KIAA1217: variants seen among roughly 807,000 people sequenced by gnomAD.
KIAA1217 encodes the protein sickle tail protein homolog.
KIAA1217 carries 88 observed loss-of-function variants against 163.9 expected under a neutral mutation model. That is an observed-to-expected ratio of 0.54 (90% CI 0.45 to 0.64). KIAA1217 has a LOEUF of 0.64. Among genes scored for constraint, KIAA1217 ranks in the 30% least tolerant of loss-of-function variants. The pLI, the probability that KIAA1217 is intolerant of heterozygous loss-of-function variation, is 0.00. For missense variants in KIAA1217, 2,372 were observed against 2,475.0 expected (o/e 0.96, Z 0.88); for synonymous variants, 903 against 923.1 (o/e 0.98, Z 0.39).
At chr10:24,346,528 A>T (rs926678766) in intron 2 of KIAA1217, among the ~76,000 whole-genome samples, 32 of 150,040 alleles carry the variant, frequency 2.1e-4, no homozygotes, top group African/African-American at 7.4e-4. Context: ...TTATTCATTC[A>T]TCTGTCAAAG....
At chr10:24,257,812 G>A (rs12782581) in intron 2 of KIAA1217, among the ~76,000 whole-genome samples, 41,339 of 151,902 alleles carry the variant, frequency 0.27, 6,324 homozygotes, top group Non-Finnish European at 0.35. Context: ...CAGTGACAAG[G>A]CGGGATAACG....
At chr10:23,810,171 A>C (rs1174095336) in intron 1 of KIAA1217, among the ~76,000 whole-genome samples, 2 of 151,556 alleles carry the variant, frequency 1.3e-5, no homozygotes, top group African/African-American at 4.8e-5. Flanking sequence ...TAGGTTTATC[A>C]ATGTAACTCC....
chr10:24,521,754 C>T, intron 11 of KIAA1217, 28 bp from the exon 12 acceptor site: 8 of 1,602,544 alleles, frequency 5.0e-6, no homozygotes, highest in Non-Finnish European at 6.8e-6. Flanking sequence ...TTTTCTCCTC[C>T]AATTCACCTG....
intron 1 of KIAA1217, among the ~76,000 whole-genome samples, chr10:23,940,166 A>G (rs961017146): frequency 6.6e-6 from 1 of 152,134 alleles, no homozygotes; most frequent in Non-Finnish European, 1.5e-5. Flanking sequence ...ATAATTAGAA[A>G]TTTCAGCAGT....
intron 1 of KIAA1217, among the ~76,000 whole-genome samples, chr10:23,779,161 G>T (rs1381916506): frequency 2.0e-5 from 3 of 152,054 alleles, no homozygotes; most frequent in African/African-American, 7.2e-5. Flanking sequence ...TTTTCCCTTG[G>T]TCAGAGCTGA....
intron 5 of KIAA1217, among the ~76,000 whole-genome samples, chr10:24,471,801 T>C (rs2063541930): frequency 6.7e-6 from 1 of 149,570 alleles, no homozygotes; most frequent in Non-Finnish European, 1.5e-5. Context: ...GAGAATCACT[T>C]GAACCCAGGA....
At chr10:24,524,302 G>A (rs376982970) in intron 12 of KIAA1217, 21 bp from the exon 13 acceptor site, 40 of 1,593,906 alleles carry the variant, frequency 2.5e-5, no homozygotes, top group East Asian at 1.6e-4. Flanking sequence ...GGTTAATGCC[G>A]CTGTGCATGG....
At chr10:24,527,350 A>G (rs1003963744) in intron 13 of KIAA1217, among the ~76,000 whole-genome samples, 1 of 143,908 alleles carries the variant, frequency 6.9e-6, no homozygotes, top group African/African-American at 2.5e-5. Flanking sequence ...CTGTAATCCC[A>G]GCACTTTGGA....
chr10:23,699,868 T>C (rs1206083247), intron 1 of KIAA1217, among the ~76,000 whole-genome samples: 1 of 152,202 alleles, frequency 6.6e-6, no homozygotes, highest in Non-Finnish European at 1.5e-5. Flanking sequence ...GATCGTAAGT[T>C]TTAAGAAGGG....
At chr10:24,483,592 T>A (rs1440458323) in intron 6 of KIAA1217, among the ~76,000 whole-genome samples, 1 of 152,214 alleles carries the variant, frequency 6.6e-6, no homozygotes, top group African/African-American at 2.4e-5. Flanking sequence ...GAGTCCGCCC[T>A]AAGATTTACA....
intron 1 of KIAA1217, among the ~76,000 whole-genome samples, chr10:23,863,849 T>C (rs1840062738): frequency 6.6e-6 from 1 of 152,126 alleles, no homozygotes; most frequent in African/African-American, 2.4e-5. Flanking sequence ...GCTTTCCTTA[T>C]ATTACACTCT....
chr10:24,544,951 T>C, intron 19 of KIAA1217, 30 bp from the exon 20 acceptor site: 1 of 1,607,578 alleles, frequency 6.2e-7, no homozygotes, highest in East Asian at 2.2e-5. Flanking sequence ...CTTCTCCTTC[T>C]CTTCCCCCTC....
intron 6 of KIAA1217, among the ~76,000 whole-genome samples, chr10:24,484,242 T>TATATATATATA (rs34504704): frequency 4.8e-4 from 23 of 48,192 alleles, no homozygotes; most frequent in South Asian, 1.3e-3. Context: ...TATATATATA[T>TATATATATATA]TTTTTTTTTT....
intron 1 of KIAA1217, among the ~76,000 whole-genome samples, chr10:23,720,455 G>T (rs2130761509): frequency 6.6e-6 from 1 of 152,270 alleles, no homozygotes; most frequent in East Asian, 1.9e-4. Context: ...ATTTTTAAAA[G>T]AAATCTCTTT....
In KIAA1217 at chr10:24,501,729, C is replaced by CTTTTT. The variant is rs71397953; in HGVS notation, c.2001+217_2001+221dup. ...AACTATAGTCAATCTATAACCACTTCTTTTTTTTTTTTTTTTTTTTTTTTT... is the reference window on the plus strand; with the variant it reads ...AACTATAGTCAATCTATAACCACTTCTTTTTTTTTTTTTTTTTTTTTTTTTTTTTT... On this transcript the variant is annotated intron_variant, in intron 9 of 20. Transcript: ENST00000376454. Among the ~76,000 whole-genome samples the CTTTTT allele has an allele frequency of 1.2e-3, 63 of 51,508 alleles. 18 individuals carry two copies. Among genetic ancestry groups the CTTTTT allele is most frequent in the Non-Finnish European group, 1.5e-3 (42 of 28,362 alleles). 33.8% of individuals were successfully genotyped at this position (51,508 alleles called of 152,430 possible).
Position 24,543,098 on chromosome 10 carries a change from A to G in KIAA1217, c.3828A>G (p.Leu1276=), listed in dbSNP as rs1378610644. 6.2e-7 allele frequency: 1 copy of G among 1,613,794 alleles called. No individual in the cohort carries two copies. Among genetic ancestry groups the G allele is most frequent in the African/African-American group, 1.3e-5 (1 of 75,020 alleles). ...ASFGFSGISP[L]EDEINKGSKI... The stretch of plus-strand genomic sequence containing the variant: ...TCGGTTTCTCTGGCATTAGTCCATT[A>G]GAAGATGAAATAAACAAAGGGTCTA... The change falls in exon 19 of 21, where the codon TTA becomes TTG. Residue 1276 remains leucine (L), a synonymous_variant. Coordinates refer to ENST00000376454, the MANE Select transcript of KIAA1217 (RefSeq NM_019590.5).
intron 2 of KIAA1217, among the ~76,000 whole-genome samples, chr10:24,043,332 T>C (rs1205262061): frequency 1.3e-5 from 2 of 152,216 alleles, no homozygotes; most frequent in Non-Finnish European, 2.9e-5. Context: ...CTCATTCTTA[T>C]AACTGGGAGT....
At position 23,939,420 on chromosome 10, in the gene KIAA1217, C is replaced by A. The variant is rs114469760; in HGVS notation, c.-320-67805C>A. ...AAAAGATAGAAAAAGGTCTACCATGCTAACACTATTCAAAAGGAAACTGTA... is the reference window on the plus strand; with the variant it reads ...AAAAGATAGAAAAAGGTCTACCATGATAACACTATTCAAAAGGAAACTGTA... On this transcript the variant is annotated intron_variant, in intron 1 of 18. Coordinates refer to the KIAA1217 transcript ENST00000376462. Among the ~76,000 whole-genome samples the A allele has an allele frequency of 5.1e-3, 782 of 152,190 alleles. 8 individuals carry two copies. The highest frequency in any genetic ancestry group is 0.018 in the African/African-American group (752 of 41,556).
At position 24,282,368 on chromosome 10, in the gene KIAA1217, G is replaced by C. The variant is rs367799110; in HGVS notation, c.354+62459G>C. On this transcript the variant is annotated intron_variant, in intron 2 of 20. Coordinates refer to ENST00000376454, the MANE Select transcript of KIAA1217 (RefSeq NM_019590.5). ...GTCTTCTTTGGAAAGAAGTCACTAC[G>C]TGTTATCCACACTTGAGGAGTGTGC... 1.3e-3 allele frequency among the ~76,000 whole-genome samples: 201 copies of C among 152,202 alleles called. 2 individuals are homozygous for C. Among genetic ancestry groups the C allele is most frequent in the African/African-American group, 4.3e-3 (180 of 41,518 alleles).
Sources: gnomAD v4.1 joint callset for allele counts (sites outside exome capture counted in the v4.1 genomes callset) on GRCh38, gnomAD v4.1.1 for gene constraint, MANE v1.5 for transcripts, NCBI Gene and HGNC (gene_info 2026-07-23, HGNC 2026-07-21) for gene names.